The following HRH1 variants were observed in gnomAD, a reference collection of about 807,000 sequenced individuals.
HRH1 encodes the protein histamine H1 receptor.
In HRH1, 6 loss-of-function variants were observed where a neutral mutation model predicts 10.3. The observed-to-expected ratio is 0.58, with a 90% CI of 0.32 to 1.15. HRH1 has a LOEUF of 1.15. HRH1 is among the 50% of genes most tolerant of loss of function. HRH1 has a pLI of 0.05. For missense variants in HRH1, 514 were observed against 615.3 expected (o/e 0.84, Z 1.74); for synonymous variants, 242 against 236.7 (o/e 1.02, Z -0.21).
At chr3:11,227,711 T>A (rs2125042958) in intron 1 of HRH1, among the ~76,000 whole-genome samples, 1 of 152,340 alleles carries the variant, frequency 6.6e-6, no homozygotes, top group South Asian at 2.1e-4. Flanking sequence ...ACAAGACCAC[T>A]TTCTTTGTGG....
At chr3:11,170,419 C>A (rs1333825304) in intron 1 of HRH1, among the ~76,000 whole-genome samples, 1 of 152,238 alleles carries the variant, frequency 6.6e-6, no homozygotes, top group Non-Finnish European at 1.5e-5. Flanking sequence ...TATTTGTGCA[C>A]CTACTGTGTG....
intron 1 of HRH1, among the ~76,000 whole-genome samples, chr3:11,173,550 C>T (rs536086337): frequency 2.6e-5 from 4 of 151,550 alleles, no homozygotes; most frequent in East Asian, 3.9e-4. Flanking sequence ...TACAGGCACC[C>T]GCCACCACAC....
intron 1 of HRH1, among the ~76,000 whole-genome samples, chr3:11,172,722 A>G (rs1159932702): frequency 2.1e-5 from 2 of 93,150 alleles, no homozygotes; most frequent in African/African-American, 1.3e-4. Flanking sequence ...TTTTTTTTTG[A>G]GATGGAGTCT....
intron 1 of HRH1, among the ~76,000 whole-genome samples, chr3:11,222,644 C>A (rs561976167): frequency 1.3e-5 from 2 of 152,004 alleles, no homozygotes; most frequent in Non-Finnish European, 2.9e-5. Context: ...GAAAGTACAG[C>A]GGCCGAGTGT....
rs758315820 is a variant in HRH1 at position 11,260,494 on chromosome 3, G to A, written c.1457G>A (p.Arg486His). 7.5e-6 allele frequency: 12 copies of A among 1,590,554 alleles called. No homozygotes were observed. Among genetic ancestry groups the A allele is most frequent in the Admixed American group, 1.7e-5 (1 of 57,964 alleles). ...KKTFKRILHI[R>H]S The stretch of plus-strand genomic sequence containing the variant: ...ACATTCAAGAGAATTCTGCATATTC[G>A]CTCCTAAGGGAGGCTCTGAGGGGAT... Residue 486 changes from arginine to histidine, a missense_variant, in exon 2 of 2, where the codon CGC (arginine) becomes CAC (histidine). Coordinates refer to ENST00000431010, the MANE Select transcript of HRH1 (RefSeq NM_001098212.2).
chr3:11,141,947 C>T (rs1392836057), intron 1 of HRH1, among the ~76,000 whole-genome samples: 2 of 152,178 alleles, frequency 1.3e-5, no homozygotes, highest in African/African-American at 2.4e-5. Context: ...CTTAACACTG[C>T]CCTGTGTTGG....
chr3:11,142,997 G>A (rs1341193177), intron 1 of HRH1, among the ~76,000 whole-genome samples: 2 of 152,156 alleles, frequency 1.3e-5, no homozygotes, highest in African/African-American at 2.4e-5. Context: ...AGAACAGCGA[G>A]TGCAAAGGCC....
At chr3:11,196,847 C>G (rs1034555221) in intron 1 of HRH1, among the ~76,000 whole-genome samples, 2 of 151,406 alleles carry the variant, frequency 1.3e-5, no homozygotes, top group African/African-American at 2.4e-5. Flanking sequence ...CGGTAGCTCA[C>G]GCCTGTAATC....
chr3:11,180,053 A>T (rs1937323562), intron 1 of HRH1, among the ~76,000 whole-genome samples: 1 of 152,040 alleles, frequency 6.6e-6, no homozygotes, highest in Admixed American at 6.6e-5. Context: ...ATGCACCACC[A>T]CACCCGGCCC....
chr3:11,262,804 G>A lies in HRH1; in HGVS notation c.*2303G>A, dbSNP rs202004376. On this transcript the variant is annotated 3_prime_UTR_variant, in exon 2 of 2. Coordinates refer to ENST00000431010, the MANE Select transcript of HRH1 (RefSeq NM_001098212.2). ...TGGTCAATAAATATAAATTACCAGC[G>A]TCTAAGGAACAAGGTCTATGCATTA... 32 of 167,202 alleles carry A rather than the reference G, an allele frequency of 1.9e-4. No individual in the cohort carries two copies. Among genetic ancestry groups the A allele is most frequent in the African/African-American group, 7.0e-4 (29 of 41,570 alleles). 10.4% of individuals were successfully genotyped at this position (167,202 alleles called of 1,614,324 possible).
chr3:11,215,740 C>T (rs951210841), intron 1 of HRH1, among the ~76,000 whole-genome samples: 1 of 152,202 alleles, frequency 6.6e-6, no homozygotes, highest in African/African-American at 2.4e-5. Context: ...CGCGCCCAGC[C>T]GGGTCACTGT....
At chr3:11,217,786 T>C (rs1938563736) in intron 1 of HRH1, among the ~76,000 whole-genome samples, 1 of 152,180 alleles carries the variant, frequency 6.6e-6, no homozygotes, top group Non-Finnish European at 1.5e-5. Context: ...AGGTATTAAG[T>C]ATAACAGCTG....
intron 1 of HRH1, 50 bp from the exon 2 acceptor site, chr3:11,258,953 C>T: frequency 7.4e-7 from 1 of 1,342,532 alleles, no homozygotes; most frequent in Non-Finnish European, 1.0e-6. Context: ...TACTAAGTGG[C>T]CACTCATCAC....
chr3:11,193,611 C>T (rs1395643229), intron 1 of HRH1, among the ~76,000 whole-genome samples: 5 of 151,842 alleles, frequency 3.3e-5, no homozygotes, highest in Non-Finnish European at 5.9e-5. Context: ...GCTGCTATAA[C>T]GAAATGTCAT....
intron 1 of HRH1, among the ~76,000 whole-genome samples, chr3:11,173,065 A>T (rs567524510): frequency 6.6e-6 from 1 of 152,138 alleles, no homozygotes; most frequent in Non-Finnish European, 1.5e-5. Context: ...GGGGCCCTGG[A>T]TGAAGAGGTT....
chr3:11,140,973 G>A lies in HRH1; in HGVS notation c.-36+3574G>A, dbSNP rs534262466. On this transcript the variant is annotated intron_variant, in intron 1 of 1. Coordinates refer to the HRH1 transcript ENST00000438284. Reference sequence around the variant, plus strand: ...GAACTTTCTCCCCTTGATTAAGCAGGTGCTCAAGGGCAGGGAAGGTGTTTG... The same window carrying A: ...GAACTTTCTCCCCTTGATTAAGCAGATGCTCAAGGGCAGGGAAGGTGTTTG... 1.1e-3 allele frequency among the ~76,000 whole-genome samples: 160 copies of A among 152,248 alleles called. 3 individuals are homozygous for A. The highest frequency in any genetic ancestry group is 3.7e-3 in the African/African-American group (153 of 41,546).
At chr3:11,240,601 G>A (rs572053156) in intron 1 of HRH1, among the ~76,000 whole-genome samples, 1 of 151,618 alleles carries the variant, frequency 6.6e-6, no homozygotes, top group East Asian at 2.0e-4. Flanking sequence ...CTGCCCGCAA[G>A]GTCATCTGCC....
chr3:11,171,105 T>G (rs1340904390), intron 1 of HRH1, among the ~76,000 whole-genome samples: 1 of 149,276 alleles, frequency 6.7e-6, no homozygotes, highest in Non-Finnish European at 1.5e-5. Context: ...TGCAGGGTTT[T>G]GGGGTTTTTT....
chr3:11,251,581 C>T (rs907614228), intron 1 of HRH1, among the ~76,000 whole-genome samples: 2 of 152,154 alleles, frequency 1.3e-5, no homozygotes, highest in Non-Finnish European at 2.9e-5. Context: ...AAGGTGTCTT[C>T]CGGTTTGAAA....
Sources: allele counts gnomAD v4.1 joint callset (sites outside exome capture counted in the v4.1 genomes callset), GRCh38; gene constraint gnomAD v4.1.1; transcripts MANE v1.5; gene names NCBI Gene and HGNC (gene_info 2026-07-23, HGNC 2026-07-21).